The following TPRG1 variants were observed in gnomAD, a reference collection of about 807,000 sequenced individuals.
TPRG1 encodes the protein tumor protein p63-regulated gene 1 protein.
Under a neutral mutation model 29.3 loss-of-function variants are expected in TPRG1, and 29 were observed. The observed-to-expected ratio is 0.99, with a 90% CI of 0.74 to 1.35. TPRG1 has a LOEUF of 1.35. Ranked by LOEUF, TPRG1 falls within the 40% of genes most tolerant of loss-of-function variation. The probability of loss-of-function intolerance (pLI) is 0.00; values close to 1 mark genes in which losing one functional copy is unlikely to be tolerated. For missense variants in TPRG1, 327 were observed against 335.0 expected (o/e 0.98, Z 0.19); for synonymous variants, 130 against 116.8 (o/e 1.11, Z -0.73).
At chr3:189,163,318 C>T (rs1315423414) in intron 5 of TPRG1, among the ~76,000 whole-genome samples, 2 of 152,104 alleles carry the variant, frequency 1.3e-5, no homozygotes, top group Non-Finnish European at 2.9e-5. Context: ...TTACTTTTTT[C>T]TCTGACTATT....
chr3:189,251,892 T>C (rs543071496), intron 4 of TPRG1, among the ~76,000 whole-genome samples: 3 of 152,154 alleles, frequency 2.0e-5, no homozygotes, highest in South Asian at 2.1e-4. Flanking sequence ...CTTCCTCTTA[T>C]ACTAATCCTC....
At chr3:189,009,465 G>A (rs1712479476) in intron 3 of TPRG1, among the ~76,000 whole-genome samples, 1 of 152,084 alleles carries the variant, frequency 6.6e-6, no homozygotes, top group Admixed American at 6.6e-5. Flanking sequence ...GACCCTTTAA[G>A]GAGGGCCTGC....
chr3:189,138,765 C>G (rs1297941415), intron 3 of TPRG1, among the ~76,000 whole-genome samples: 1 of 152,144 alleles, frequency 6.6e-6, no homozygotes, highest in Non-Finnish European at 1.5e-5. Flanking sequence ...TCTATCACAG[C>G]TTTGTGTCTG....
At chr3:189,033,187 G>A (rs190088355) in intron 4 of TPRG1, among the ~76,000 whole-genome samples, 68 of 152,118 alleles carry the variant, frequency 4.5e-4, no homozygotes, top group African/African-American at 1.3e-3. Flanking sequence ...TCTTTGGGTA[G>A]CTTTGTACCA....
intron 1 of TPRG1, among the ~76,000 whole-genome samples, chr3:189,124,540 T>TTATG (rs1553907164): frequency 6.7e-6 from 1 of 149,962 alleles, no homozygotes; most frequent in African/African-American, 2.5e-5. Flanking sequence ...ACAAAGGACT[T>TTATG]TGTGTGTGTG....
intron 5 of TPRG1, among the ~76,000 whole-genome samples, chr3:189,153,519 C>G (rs1391819820): frequency 6.6e-6 from 1 of 151,840 alleles, no homozygotes; most frequent in Admixed American, 6.6e-5. Context: ...CTGCATCACT[C>G]AGTCATTGGA....
At chr3:189,293,150 T>C (rs564497948) in intron 4 of TPRG1, among the ~76,000 whole-genome samples, 1 of 152,286 alleles carries the variant, frequency 6.6e-6, no homozygotes, top group South Asian at 2.1e-4. Flanking sequence ...TGGGGAGAGA[T>C]TCCGTACCAC....
chr3:189,058,069 T>C (rs1715854892), intron 4 of TPRG1, among the ~76,000 whole-genome samples: 1 of 152,000 alleles, frequency 6.6e-6, no homozygotes, highest in African/African-American at 2.4e-5. Flanking sequence ...CTCTGCATAG[T>C]GAGTTAATTG....
chr3:189,217,640 G>A (rs933331280), intron 3 of TPRG1, among the ~76,000 whole-genome samples: 1 of 152,042 alleles, frequency 6.6e-6, no homozygotes, highest in Non-Finnish European at 1.5e-5. Context: ...TATTTTCTTT[G>A]CTTGTTAAAA....
At chr3:189,259,371 T>C (rs1402873166) in intron 4 of TPRG1, among the ~76,000 whole-genome samples, 3 of 151,262 alleles carry the variant, frequency 2.0e-5, no homozygotes, top group African/African-American at 4.9e-5. Context: ...GGTACCTCAG[T>C]TGGAAATGCA....
chr3:189,067,095 C>T (rs897157903), intron 4 of TPRG1, among the ~76,000 whole-genome samples: 1 of 151,938 alleles, frequency 6.6e-6, no homozygotes, highest in African/African-American at 2.4e-5. Context: ...AAACAAAATA[C>T]CTAGGAATAA....
intron 1 of TPRG1, among the ~76,000 whole-genome samples, chr3:189,000,468 G>A (rs1236207217): frequency 6.6e-6 from 1 of 151,570 alleles, no homozygotes; most frequent in African/African-American, 2.4e-5. Context: ...TGAATTTTTT[G>A]TTCTCCTTTA....
intron 3 of TPRG1, among the ~76,000 whole-genome samples, chr3:189,141,623 T>G (rs570958226): frequency 5.3e-5 from 8 of 152,202 alleles, no homozygotes; most frequent in Non-Finnish European, 1.0e-4. Context: ...ATTTAAAGAC[T>G]GTACAAACTG....
chr3:189,191,220 T>G (rs1365571786), intron 1 of TPRG1, among the ~76,000 whole-genome samples: 1 of 152,244 alleles, frequency 6.6e-6, no homozygotes, highest in Non-Finnish European at 1.5e-5. Flanking sequence ...TTGTGACAGA[T>G]GTTATCGTTC....
At chr3:189,128,684 G>C (rs59170266) in intron 2 of TPRG1, among the ~76,000 whole-genome samples, 3,871 of 152,258 alleles carry the variant, frequency 0.025, 164 homozygotes, top group African/African-American at 0.089. Context: ...GATAATGAAA[G>C]ATTAGGCTGA....
chr3:189,265,264 T>C (rs1315275126), intron 4 of TPRG1, among the ~76,000 whole-genome samples: 3 of 152,114 alleles, frequency 2.0e-5, no homozygotes, highest in African/African-American at 7.2e-5. Flanking sequence ...TTCTGAAGAG[T>C]GGCATTGAGC....
In TPRG1 at chr3:189,310,390, C is replaced by T. The variant is rs755877455; in HGVS notation, c.484C>T (p.Gln162Ter). ...TGGAAAACGCCTTTCTTGTAGGAGA[C>T]AAGGAGAAGGCCTTAGGATCTACTG... ...TFPGMSLDKR[Q>*]GEGLRIYWGS... The change falls in exon 5 of 6, where the codon CAA (glutamine) becomes TAA (stop). Residue 162 changes from glutamine (Q) to a stop codon, truncating the protein, a stop_gained. Transcript: ENST00000345063. LOFTEE classifies it high-confidence loss of function. The T allele has an allele frequency of 6.3e-7, 1 of 1,586,592 alleles. No individual in the cohort carries two copies. The highest frequency in any genetic ancestry group is 1.2e-5 in the South Asian group (1 of 86,568).
At chr3:189,091,862 T>C (rs1718359285) in intron 4 of TPRG1, among the ~76,000 whole-genome samples, 1 of 152,206 alleles carries the variant, frequency 6.6e-6, no homozygotes. Flanking sequence ...ACATTTTTTT[T>C]CAGATATTTT....
At chr3:189,060,189 G>A (rs1282194322) in intron 4 of TPRG1, among the ~76,000 whole-genome samples, 5 of 152,138 alleles carry the variant, frequency 3.3e-5, no homozygotes, top group African/African-American at 7.2e-5. Flanking sequence ...CTGAGATTGC[G>A]CCATTGCACT....
Sources: gnomAD v4.1 joint callset for allele counts (sites outside exome capture counted in the v4.1 genomes callset) on GRCh38, gnomAD v4.1.1 for gene constraint, MANE v1.5 for transcripts, NCBI Gene and HGNC (gene_info 2026-07-23, HGNC 2026-07-21) for gene names.